Variants in UST observed in about 807,000 individuals in gnomAD.
UST encodes the protein uronyl 2-sulfotransferase, also known as chondroitin sulfate 2-O-sulfotransferase.
UST carries 21 observed loss-of-function variants against 45.6 expected under a neutral mutation model. That is an observed-to-expected ratio of 0.46 (90% CI 0.33 to 0.66). UST has a LOEUF of 0.66. Ranked by LOEUF, UST falls within the 30% of genes least tolerant of loss-of-function variation. The pLI, the probability that UST is intolerant of heterozygous loss-of-function variation, is 0.02. For missense variants in UST, 463 were observed against 512.4 expected, an observed-to-expected ratio of 0.90 and a Z score of 0.93; for synonymous variants, 215 against 200.6, an observed-to-expected ratio of 1.07 and a Z score of -0.61.
intron 1 of UST, among the ~76,000 whole-genome samples, chr6:148,836,788 G>T (rs1777793040): frequency 6.6e-6 from 1 of 152,186 alleles, no homozygotes; most frequent in Non-Finnish European, 1.5e-5. Flanking sequence ...TGGTCCAGGA[G>T]TACACAGGTG....
chr6:148,893,979 AC>A (rs1184516301), intron 2 of UST, among the ~76,000 whole-genome samples: 2 of 152,026 alleles, frequency 1.3e-5, no homozygotes, highest in African/African-American at 4.8e-5. Flanking sequence ...TGATTGCACC[AC>A]CACTCTCCAG....
intron 5 of UST, among the ~76,000 whole-genome samples, chr6:148,992,202 T>TA (rs771958467): frequency 2.6e-4 from 40 of 152,260 alleles, no homozygotes; most frequent in Non-Finnish European, 4.7e-4. Context: ...GTGGACCCCT[T>TA]AAAGAGTTTT....
intron 1 of UST, among the ~76,000 whole-genome samples, chr6:148,750,201 C>A (rs577685935): frequency 6.6e-6 from 1 of 152,272 alleles, no homozygotes; most frequent in East Asian, 1.9e-4. Context: ...CTTTTCTTTA[C>A]AGAGTATTAT....
chr6:148,931,977 G>T (rs1021462825), intron 2 of UST, among the ~76,000 whole-genome samples: 2 of 152,220 alleles, frequency 1.3e-5, no homozygotes, highest in Non-Finnish European at 2.9e-5. Context: ...CTCTCCCATT[G>T]TGCTTACATT....
chr6:148,867,559 C>G (rs1778467206), intron 1 of UST, among the ~76,000 whole-genome samples: 1 of 152,062 alleles, frequency 6.6e-6, no homozygotes, highest in Non-Finnish European at 1.5e-5. Flanking sequence ...ATAATTGAAT[C>G]CTGGGGGCAG....
chr6:148,882,712 G>T (rs911165578), intron 1 of UST, among the ~76,000 whole-genome samples: 1 of 152,056 alleles, frequency 6.6e-6, no homozygotes, highest in African/African-American at 2.4e-5. Flanking sequence ...TTTGAATTCC[G>T]CTGTTTGTTT....
At chr6:148,966,835 C>T (rs1404411466) in intron 5 of UST, among the ~76,000 whole-genome samples, 1 of 152,230 alleles carries the variant, frequency 6.6e-6, no homozygotes, top group Admixed American at 6.5e-5. Flanking sequence ...CTCCGGGGTT[C>T]AAGCGATTCT....
intron 7 of UST, among the ~76,000 whole-genome samples, chr6:149,071,665 A>G (rs1338230229): frequency 6.6e-6 from 1 of 152,200 alleles, no homozygotes; most frequent in African/African-American, 2.4e-5. Context: ...AAAGAACACT[A>G]TCAACAGAGT....
At chr6:148,938,233 T>C (rs1171748263) in intron 2 of UST, among the ~76,000 whole-genome samples, 2 of 152,220 alleles carry the variant, frequency 1.3e-5, no homozygotes, top group Non-Finnish European at 2.9e-5. Context: ...TCAGAGCAGT[T>C]AGGGCTCATT....
rs547022871 is a variant in UST at position 148,924,011 on chromosome 6, G to A, written c.292-17268G>A. On this transcript the variant is annotated intron_variant, in intron 2 of 7. Coordinates refer to ENST00000367463, the MANE Select transcript of UST (RefSeq NM_005715.3). Reference sequence around the variant, plus strand: ...GTATTGTGATGATTCAATGAAATGAGCTTTATAAAGCAGCTGGTCTAAGAC... The same window carrying A: ...GTATTGTGATGATTCAATGAAATGAACTTTATAAAGCAGCTGGTCTAAGAC... Among the ~76,000 whole-genome samples the A allele has an allele frequency of 1.2e-4, 19 of 152,212 alleles. No individual in the cohort carries two copies. The South Asian group carries it at 3.9e-3, about 32-fold the overall frequency.
chr6:149,029,909 T>G (rs1554235942), intron 7 of UST, among the ~76,000 whole-genome samples: 3 of 142,876 alleles, frequency 2.1e-5, no homozygotes, highest in Non-Finnish European at 4.6e-5. Context: ...TGTGTGTGTG[T>G]GGTGTGTGCA....
At chr6:149,070,571 T>C (rs1776804891) in intron 7 of UST, among the ~76,000 whole-genome samples, 1 of 152,222 alleles carries the variant, frequency 6.6e-6, no homozygotes. Flanking sequence ...AGTAATACCC[T>C]TATTCAATGA....
At chr6:148,857,088 T>G (rs1235393591) in intron 1 of UST, among the ~76,000 whole-genome samples, 1 of 151,804 alleles carries the variant, frequency 6.6e-6, no homozygotes, top group Non-Finnish European at 1.5e-5. Context: ...ATCTTAGAAT[T>G]TTTTGGGCTT....
intron 1 of UST, among the ~76,000 whole-genome samples, chr6:148,884,105 C>A (rs1269444290): frequency 2.7e-5 from 4 of 150,030 alleles, no homozygotes; most frequent in African/African-American, 1.0e-4. Flanking sequence ...TGCACTCCAG[C>A]CTGGGCAACA....
At chr6:148,787,315 G>A (rs1776751316) in intron 1 of UST, among the ~76,000 whole-genome samples, 1 of 152,152 alleles carries the variant, frequency 6.6e-6, no homozygotes. Flanking sequence ...GTTTTTTATA[G>A]TTTTGGGTTT....
chr6:148,834,141 T>G (rs145449357), intron 1 of UST, among the ~76,000 whole-genome samples: 44 of 152,356 alleles, frequency 2.9e-4, no homozygotes, highest in African/African-American at 1.0e-3. Context: ...AGCACTAATA[T>G]ACCCAGGAGA....
intron 7 of UST, among the ~76,000 whole-genome samples, chr6:149,034,489 C>T (rs1315166056): frequency 4.0e-5 from 6 of 149,934 alleles, no homozygotes; most frequent in Non-Finnish European, 3.0e-5. Context: ...CTCCTCTTTC[C>T]ACCCAGAGCT....
intron 7 of UST, among the ~76,000 whole-genome samples, chr6:149,043,987 C>G (rs568424517): frequency 1.5e-4 from 23 of 152,296 alleles, no homozygotes; most frequent in African/African-American, 5.1e-4. Flanking sequence ...TAGTCTTGAT[C>G]TTAGACCATA....
intron 3 of UST, among the ~76,000 whole-genome samples, chr6:148,943,147 T>C (rs1174605973): frequency 6.6e-6 from 1 of 152,230 alleles, no homozygotes; most frequent in Non-Finnish European, 1.5e-5. Context: ...TGCAATTTTA[T>C]TATAATTATT....
Sources: gnomAD v4.1 joint callset for allele counts (sites outside exome capture counted in the v4.1 genomes callset) on GRCh38, gnomAD v4.1.1 for gene constraint, MANE v1.5 for transcripts, NCBI Gene and HGNC (gene_info 2026-07-23, HGNC 2026-07-21) for gene names.